The following ANKRD55 variants were observed in gnomAD, a reference collection of about 807,000 sequenced individuals.
The protein encoded by ANKRD55 is ankyrin repeat domain-containing protein 55.
ANKRD55 carries 41 observed loss-of-function variants against 60.6 expected under a neutral mutation model. The ratio of observed to expected loss-of-function variants is 0.68; its 90% CI spans 0.53 to 0.88. The LOEUF (loss-of-function observed/expected upper bound fraction) is 0.88. Among genes scored for constraint, ANKRD55 ranks in the 40% least tolerant of loss-of-function variants. ANKRD55 has a pLI of 0.00. For synonymous variants in ANKRD55, 264 were observed against 290.3 expected (o/e 0.91, Z 0.92); for missense variants, 732 against 767.6 (o/e 0.95, Z 0.55).
chr5:56,180,577 C>T (rs1758830273), intron 3 of ANKRD55, among the ~76,000 whole-genome samples: 2 of 152,286 alleles, frequency 1.3e-5, no homozygotes, highest in Non-Finnish European at 1.5e-5. Context: ...CCTTCTAGTC[C>T]ACAAACATGG....
intron 8 of ANKRD55, among the ~76,000 whole-genome samples, chr5:56,120,921 A>C (rs1757029188): frequency 7.0e-6 from 1 of 142,310 alleles, no homozygotes; most frequent in Non-Finnish European, 1.5e-5. Flanking sequence ...AAAAAAAAAG[A>C]TGGTGTGACA....
At chr5:56,121,547 AT>A (rs1561256491) in intron 8 of ANKRD55, among the ~76,000 whole-genome samples, 1 of 151,796 alleles carries the variant, frequency 6.6e-6, no homozygotes. Flanking sequence ...TAATTTTTGT[AT>A]TTTTAGTAGA....
chr5:56,231,289 G>A (rs531132653), intron 2 of ANKRD55, among the ~76,000 whole-genome samples: 1 of 152,304 alleles, frequency 6.6e-6, no homozygotes, highest in Non-Finnish European at 1.5e-5. Flanking sequence ...CACATGAAAG[G>A]TGTTAAAAGA....
chr5:56,152,911 G>A (rs1020557894), intron 6 of ANKRD55, among the ~76,000 whole-genome samples: 1 of 151,856 alleles, frequency 6.6e-6, no homozygotes, highest in Non-Finnish European at 1.5e-5. Context: ...GACATCAAAA[G>A]AAAAAGCAGA....
intron 8 of ANKRD55, 104 bp downstream of exon 8, chr5:56,126,818 G>A (rs1757273016): frequency 8.1e-7 from 1 of 1,236,494 alleles, no homozygotes; most frequent in Admixed American, 2.6e-5. Flanking sequence ...ACTGGCAATA[G>A]GGATATAGCT....
chr5:56,114,780 C>T (rs988711205), intron 9 of ANKRD55, among the ~76,000 whole-genome samples: 3 of 152,192 alleles, frequency 2.0e-5, no homozygotes, highest in Admixed American at 1.3e-4. Context: ...GTTTTGGTAT[C>T]GTATCAAAGA....
chr5:56,134,399 G>A lies in ANKRD55; in HGVS notation c.613-7293C>T, dbSNP rs897900584. 1.8e-5 allele frequency among the ~76,000 whole-genome samples: 2 copies of A among 113,114 alleles called. 1 individual carries two copies. Among genetic ancestry groups the A allele is most frequent in the African/African-American group, 5.8e-5 (2 of 34,720 alleles). The allele number at this position is 113,114 out of a possible 152,430, so 74.2% of individuals were successfully genotyped here. ...TCGAGACCAGCCTGGCCAACATGGC[G>A]AAACCTGGTGTCTACTGAAAATACA... is the stretch of plus-strand genomic sequence containing the variant. On this transcript the variant is annotated intron_variant, in intron 7 of 11. Coordinates refer to ENST00000341048, the MANE Select transcript of ANKRD55 (RefSeq NM_024669.3).
chr5:56,170,639 C>G, intron 5 of ANKRD55, 55 bp downstream of exon 5: 2 of 1,395,652 alleles, frequency 1.4e-6, no homozygotes, highest in Admixed American at 1.7e-5. Flanking sequence ...AGATGACCTT[C>G]TCATACAAGT....
chr5:56,135,368 C>CTTTCTTTCTTCTTTCTTTCCTTCT (rs1757565767), intron 7 of ANKRD55, among the ~76,000 whole-genome samples: 1 of 49,144 alleles, frequency 2.0e-5, no homozygotes, highest in Admixed American at 2.2e-4. Context: ...TCTTTCTTTC[C>CTTTCTTTCTTCTTTCTTTCCTTCT]TTCTTTCTTT....
At chr5:56,183,973 T>C (rs1758910486) in intron 2 of ANKRD55, among the ~76,000 whole-genome samples, 1 of 152,248 alleles carries the variant, frequency 6.6e-6, no homozygotes, top group Non-Finnish European at 1.5e-5. Context: ...TGCATTGCCC[T>C]TTTTGATCTG....
At chr5:56,120,060 C>A (rs1333214548) in intron 8 of ANKRD55, among the ~76,000 whole-genome samples, 1 of 146,342 alleles carries the variant, frequency 6.8e-6, no homozygotes, top group Non-Finnish European at 1.5e-5. Context: ...TTTTTTGAGA[C>A]ATAGTCTTGC....
At chr5:56,192,248 T>TA (rs935352208) in intron 2 of ANKRD55, among the ~76,000 whole-genome samples, 13 of 152,134 alleles carry the variant, frequency 8.5e-5, no homozygotes, top group Non-Finnish European at 1.5e-4. Context: ...TACGGGTGCA[T>TA]AAAGAGAGAT....
intron 2 of ANKRD55, among the ~76,000 whole-genome samples, chr5:56,230,752 G>T (rs74477113): frequency 0.049 from 7,432 of 152,026 alleles, 265 homozygotes; most frequent in African/African-American, 0.11. Flanking sequence ...GGTATCCTAG[G>T]GTTCTGAAAA....
At chr5:56,216,760 A>T (rs988020143) in intron 2 of ANKRD55, among the ~76,000 whole-genome samples, 2 of 152,218 alleles carry the variant, frequency 1.3e-5, no homozygotes, top group South Asian at 4.1e-4. Context: ...GAAATGAGGA[A>T]GATGAAAAAT....
intron 6 of ANKRD55, among the ~76,000 whole-genome samples, chr5:56,151,897 G>A (rs986366952): frequency 2.0e-5 from 3 of 146,606 alleles, no homozygotes; most frequent in South Asian, 2.1e-4. Context: ...ACATACACAC[G>A]TATATGTGTG....
intron 6 of ANKRD55, among the ~76,000 whole-genome samples, chr5:56,147,834 T>C (rs1022387713): frequency 2.0e-5 from 3 of 152,204 alleles, no homozygotes; most frequent in African/African-American, 7.2e-5. Context: ...CGGTTGGTAT[T>C]GCACACTTTA....
In ANKRD55 at chr5:56,159,845, G is replaced by A. The variant is rs756104144; in HGVS notation, c.471C>T (p.His157=). Residue 157 remains histidine (H), a synonymous_variant, in exon 6 of 12, where the codon CAC becomes CAT. Coordinates refer to ENST00000341048, the MANE Select transcript of ANKRD55 (RefSeq NM_024669.3). ...LQQSNISEIN[H]QDNEGMTPLH... Reference sequence around the variant, plus strand: ...GAGTGTGGCTCACCTCATTGTCCTGGTGATTAATCTCGCTGATGTTCGACT... The same window carrying A: ...GAGTGTGGCTCACCTCATTGTCCTGATGATTAATCTCGCTGATGTTCGACT... The A allele has an allele frequency of 1.2e-6, 2 of 1,613,964 alleles. No individual in the cohort carries two copies. The highest frequency in any genetic ancestry group is 4.5e-5 in the East Asian group (2 of 44,870).
intron 7 of ANKRD55, chr5:56,137,185 G>A (rs1343467385): frequency 6.2e-7 from 1 of 1,605,612 alleles, no homozygotes; most frequent in African/African-American, 1.3e-5. Flanking sequence ...GTTGGCAAGT[G>A]TGCCCAGGCC....
At chr5:56,191,139 AGT>A (rs1759084670) in intron 2 of ANKRD55, among the ~76,000 whole-genome samples, 1 of 152,198 alleles carries the variant, frequency 6.6e-6, no homozygotes, top group African/African-American at 2.4e-5. Context: ...GAAATCAGGA[AGT>A]GTGAAACCTC....
Sources: gnomAD v4.1 joint callset for allele counts (sites outside exome capture counted in the v4.1 genomes callset) on GRCh38, gnomAD v4.1.1 for gene constraint, MANE v1.5 for transcripts, NCBI Gene and HGNC (gene_info 2026-07-23, HGNC 2026-07-21) for gene names.